The following SPATS2L variants were observed in gnomAD, a reference collection of about 807,000 sequenced individuals.
SPATS2L encodes SPATS2-like protein.
Under a neutral mutation model 59.6 loss-of-function variants are expected in SPATS2L, and 30 were observed. The ratio of observed to expected loss-of-function variants is 0.50; its 90% CI spans 0.38 to 0.68. The LOEUF is 0.68. Ranked by LOEUF, SPATS2L falls within the 30% of genes least tolerant of loss-of-function variation. The pLI is 0.00. For synonymous variants in SPATS2L, 252 were observed against 263.5 expected, an observed-to-expected ratio of 0.96 and a Z score of 0.42; for missense variants, 615 against 700.0, an observed-to-expected ratio of 0.88 and a Z score of 1.37.
chr2:200,330,119 G>T (rs1213566085), intron 2 of SPATS2L, among the ~76,000 whole-genome samples: 1 of 80,874 alleles, frequency 1.2e-5, no homozygotes, highest in African/African-American at 3.5e-5. Flanking sequence ...TTAAGATGGG[G>T]TAATTATACC....
At chr2:200,389,146 CTG>C (rs1457471725) in intron 2 of SPATS2L, 75 bp from the exon 3 acceptor site, 2 of 852,816 alleles carry the variant, frequency 2.3e-6, no homozygotes, top group Non-Finnish European at 3.7e-6. Flanking sequence ...AAGTTGTTTA[CTG>C]TGTTGGAAGA....
Position 200,477,676 on chromosome 2 carries a change from A to G in SPATS2L, c.1322A>G (p.Tyr441Cys). 3 of 1,565,336 alleles carry G rather than the reference A, an allele frequency of 1.9e-6. No individual in the cohort carries two copies. In the South Asian group the frequency reaches 3.5e-5, roughly 18 times the overall value. ...CAAAGACGGAGATTTAATCCACAGT[A>G]TCATAACAACAGGCTAAATGGGCCT... ...SNQRRRFNPQ[Y>C]HNNRLNGPAK... Residue 441 changes from tyrosine (Y) to cysteine (C), a missense_variant, in exon 13 of 13, where the codon TAT becomes TGT. Tyr to Cys is a radical substitution (Grantham distance 194). Transcript: ENST00000409140.
At chr2:200,426,300 C>T (rs896085727) in intron 6 of SPATS2L, among the ~76,000 whole-genome samples, 2 of 151,974 alleles carry the variant, frequency 1.3e-5, no homozygotes, top group Non-Finnish European at 2.9e-5. Flanking sequence ...CTGTGTTAGC[C>T]AGGATGGTCT....
At chr2:200,335,322 G>C (rs2080105864) in intron 2 of SPATS2L, among the ~76,000 whole-genome samples, 2 of 151,760 alleles carry the variant, frequency 1.3e-5, no homozygotes, top group South Asian at 4.2e-4. Context: ...AGCTTGCAGT[G>C]AGCCGAGATT....
At chr2:200,418,132 AGGGTGG>A (rs2083142618) in intron 5 of SPATS2L, among the ~76,000 whole-genome samples, 1 of 152,188 alleles carries the variant, frequency 6.6e-6, no homozygotes, top group Non-Finnish European at 1.5e-5. Flanking sequence ...TATAAAATGC[AGGGTGG>A]TTTTATTTCA....
rs1437583844 is a variant in SPATS2L at position 200,479,596 on chromosome 2, AG to A, written c.*1566del. 2.5e-6 allele frequency: 1 copy of A among 398,494 alleles called. No individual in the cohort carries two copies. Among genetic ancestry groups the A allele is most frequent in the African/African-American group, 2.1e-5 (1 of 48,638 alleles). 24.7% of individuals were successfully genotyped at this position (398,494 alleles called of 1,614,324 possible). On this transcript the variant is annotated 3_prime_UTR_variant, in exon 13 of 13. Coordinates refer to ENST00000409140, the MANE Select transcript of SPATS2L (RefSeq NM_001100423.2). ...ATACCCAATGGCCCAAACCCAAAAT[AG>A]CCCCAGTTCCCCTAACTTTGACTAC...
chr2:200,400,940 A>G (rs1232795224), intron 3 of SPATS2L, among the ~76,000 whole-genome samples: 1 of 152,240 alleles, frequency 6.6e-6, no homozygotes, highest in Non-Finnish European at 1.5e-5. Context: ...CAAAGAGACA[A>G]CAATAGTATC....
chr2:200,330,799 C>T lies in SPATS2L; in HGVS notation c.-23+1319C>T, dbSNP rs117772532. Among the ~76,000 whole-genome samples, 108 of 152,304 alleles carry T rather than the reference C, an allele frequency of 7.1e-4. 1 individual carries two copies. The East Asian group carries it at 0.014, about 20-fold the overall frequency. On this transcript the variant is annotated intron_variant, in intron 2 of 12. Coordinates refer to ENST00000409140, the MANE Select transcript of SPATS2L (RefSeq NM_001100423.2). ...TGTCAGGAGAATGAGATGCCTCCAG[C>T]TGCCTGTCACTAATCATATTAGAGG...
At chr2:200,461,957 T>G (rs1246893572) in intron 9 of SPATS2L, among the ~76,000 whole-genome samples, 1 of 152,242 alleles carries the variant, frequency 6.6e-6, no homozygotes, top group African/African-American at 2.4e-5. Context: ...ATGAAACTAA[T>G]GTGATCCAGG....
At chr2:200,369,645 T>C (rs1325786188) in intron 2 of SPATS2L, among the ~76,000 whole-genome samples, 1 of 151,844 alleles carries the variant, frequency 6.6e-6, no homozygotes, top group East Asian at 1.9e-4. Context: ...TTAAGTATAA[T>C]ATATAAAAAA....
intron 8 of SPATS2L, among the ~76,000 whole-genome samples, chr2:200,451,989 G>C (rs759916420): frequency 1.3e-5 from 2 of 152,076 alleles, no homozygotes; most frequent in Non-Finnish European, 2.9e-5. Flanking sequence ...GTAGAGATGG[G>C]GTTTCACCAT....
intron 11 of SPATS2L, among the ~76,000 whole-genome samples, chr2:200,471,624 T>C (rs1415037317): frequency 6.6e-6 from 1 of 152,170 alleles, no homozygotes; most frequent in Non-Finnish European, 1.5e-5. Context: ...CCGGAAATAG[T>C]GGTCCCTGAT....
At chr2:200,359,536 A>C (rs1201107704) in intron 2 of SPATS2L, among the ~76,000 whole-genome samples, 2 of 152,208 alleles carry the variant, frequency 1.3e-5, no homozygotes, top group African/African-American at 4.8e-5. Context: ...TCTGTCTTCC[A>C]ATGACTAACA....
chr2:200,367,634 T>C (rs2081305797), intron 2 of SPATS2L, among the ~76,000 whole-genome samples: 1 of 152,212 alleles, frequency 6.6e-6, no homozygotes, highest in Non-Finnish European at 1.5e-5. Flanking sequence ...TAAATTACTT[T>C]CTAAAAAGTA....
intron 3 of SPATS2L, among the ~76,000 whole-genome samples, chr2:200,403,149 T>G (rs1388636742): frequency 6.6e-6 from 1 of 152,218 alleles, no homozygotes. Flanking sequence ...AAATTGCTGA[T>G]GCCACCTTAG....
chr2:200,386,315 G>A (rs1476923861), intron 2 of SPATS2L, among the ~76,000 whole-genome samples: 2 of 152,046 alleles, frequency 1.3e-5, no homozygotes, highest in Admixed American at 1.3e-4. Flanking sequence ...TACCCTCACA[G>A]CCAGCATTTT....
chr2:200,463,345 C>T lies in SPATS2L; in HGVS notation c.847+3518C>T, dbSNP rs540907323. The T allele has an allele frequency of 2.1e-4, 32 of 152,250 alleles. 1 individual carries two copies. The highest frequency in any genetic ancestry group is 6.0e-4 in the African/African-American group (25 of 41,550). The allele number at this position is 152,250 out of a possible 1,614,324, so 9.4% of individuals were successfully genotyped here. A position where few individuals can be genotyped will look rare whatever the true frequency, so the allele number is the denominator to read the frequency against. On this transcript the variant is annotated intron_variant, in intron 9 of 12. Coordinates refer to ENST00000409140, the MANE Select transcript of SPATS2L (RefSeq NM_001100423.2). Reference sequence around the variant, plus strand: ...GAAGCTCCTAAATCCCTCATGGCACCTAACCCAGTGCTGAGAAGACTGCAG... The same window carrying T: ...GAAGCTCCTAAATCCCTCATGGCACTTAACCCAGTGCTGAGAAGACTGCAG...
At chr2:200,306,567 G>A, upstream of SPATS2L, 8 of 1,002,304 alleles carry the variant, frequency 8.0e-6, no homozygotes, top group Non-Finnish European at 9.6e-6. Context: ...TTTGCGAGCG[G>A]GAGCGAGGGG....
intron 2 of SPATS2L, among the ~76,000 whole-genome samples, chr2:200,383,542 C>T (rs997963959): frequency 1.3e-5 from 2 of 152,092 alleles, no homozygotes; most frequent in Admixed American, 6.6e-5. Context: ...TTCCCCACAC[C>T]AACTGACCTT....
Sources: gnomAD v4.1 joint callset for allele counts (sites outside exome capture counted in the v4.1 genomes callset) on GRCh38, gnomAD v4.1.1 for gene constraint, MANE v1.5 for transcripts, NCBI Gene and HGNC (gene_info 2026-07-23, HGNC 2026-07-21) for gene names.